The following ADCK1 variants were observed in gnomAD, a reference collection of about 807,000 sequenced individuals.
The protein encoded by ADCK1 is aarF domain-containing protein kinase 1.
ADCK1 carries 41 observed loss-of-function variants against 52.3 expected under a neutral mutation model. The ratio of observed to expected loss-of-function variants is 0.78; its 90% CI spans 0.61 to 1.02. The LOEUF (loss-of-function observed/expected upper bound fraction) is 1.02, where lower values mean the gene tolerates loss of function less well. Among genes scored for constraint, ADCK1 ranks in the 50% least tolerant of loss-of-function variants. The pLI, the probability that ADCK1 is intolerant of heterozygous loss-of-function variation, is 0.00. For missense variants in ADCK1, 658 were observed against 679.5 expected (o/e 0.97, Z 0.35); for synonymous variants, 250 against 274.6 (o/e 0.91, Z 0.89).
chr14:77,885,500 C>T (rs1037538295), intron 4 of ADCK1, among the ~76,000 whole-genome samples: 1 of 152,142 alleles, frequency 6.6e-6, no homozygotes, highest in African/African-American at 2.4e-5. Flanking sequence ...GTGAAAGCTA[C>T]AACAATGATG....
At chr14:77,902,263 T>A (rs1366791205) in intron 6 of ADCK1, 1 of 152,184 alleles carries the variant, frequency 6.6e-6, no homozygotes, top group Non-Finnish European at 1.5e-5. Context: ...TGGTGGAAGA[T>A]AGAACCCATG....
At chr14:77,802,558 C>A in intron 1 of ADCK1, among the ~76,000 whole-genome samples, 1 of 151,494 alleles carries the variant, frequency 6.6e-6, no homozygotes, top group East Asian at 2.0e-4. Flanking sequence ...TCCAGCAATT[C>A]TCTTGCTTCA....
intron 4 of ADCK1, among the ~76,000 whole-genome samples, chr14:77,870,876 T>G (rs939013696): frequency 4.6e-5 from 7 of 152,162 alleles, no homozygotes; most frequent in Non-Finnish European, 1.5e-5. Context: ...AGGTCTCCCC[T>G]GCAGGCCACT....
At chr14:77,817,757 A>G (rs2081488633) in intron 1 of ADCK1, among the ~76,000 whole-genome samples, 1 of 149,212 alleles carries the variant, frequency 6.7e-6, no homozygotes. Flanking sequence ...TTTTTTTGAG[A>G]CGGAGTCTCG....
chr14:77,844,284 T>C, intron 3 of ADCK1, among the ~76,000 whole-genome samples: 1 of 152,146 alleles, frequency 6.6e-6, no homozygotes, highest in South Asian at 2.1e-4. Context: ...GGTTTCACCA[T>C]GTTGGCCAGG....
intron 3 of ADCK1, among the ~76,000 whole-genome samples, chr14:77,823,977 C>A (rs183101216): frequency 6.6e-6 from 1 of 152,094 alleles, no homozygotes; most frequent in Non-Finnish European, 1.5e-5. Context: ...TGGTTCACTG[C>A]AACCTCCATC....
chr14:77,851,849 A>G (rs2082290474), intron 3 of ADCK1, among the ~76,000 whole-genome samples: 1 of 152,104 alleles, frequency 6.6e-6, no homozygotes, highest in Admixed American at 6.5e-5. Flanking sequence ...TTTGTCTTTT[A>G]AAGAGATATA....
chr14:77,830,693 TA>T (rs1454880507), intron 3 of ADCK1, among the ~76,000 whole-genome samples: 1 of 141,522 alleles, frequency 7.1e-6, no homozygotes, highest in Non-Finnish European at 1.6e-5. Flanking sequence ...CCTGCATGTT[TA>T]TATGTGTCTG....
chr14:77,844,552 G>C (rs1329469670), intron 3 of ADCK1, among the ~76,000 whole-genome samples: 1 of 152,210 alleles, frequency 6.6e-6, no homozygotes, highest in Non-Finnish European at 1.5e-5. Context: ...AGTGTGGGGA[G>C]CCGGCCCCGT....
intron 1 of ADCK1, 119 bp from the exon 2 acceptor site, chr14:77,818,849 G>A: frequency 2.5e-6 from 3 of 1,182,246 alleles, no homozygotes; most frequent in Non-Finnish European, 3.6e-6. Context: ...CTAAGGCTCA[G>A]TGAGATTAAT....
chr14:77,834,911 C>G (rs1299428935), intron 3 of ADCK1, among the ~76,000 whole-genome samples: 2 of 152,198 alleles, frequency 1.3e-5, no homozygotes, highest in African/African-American at 4.8e-5. Flanking sequence ...CTGGTTTCAG[C>G]CTACCCTTGC....
chr14:77,835,761 G>A (rs996970303), intron 3 of ADCK1, among the ~76,000 whole-genome samples: 3 of 152,064 alleles, frequency 2.0e-5, no homozygotes, highest in African/African-American at 7.2e-5. Context: ...TTAGCCTCCC[G>A]AATAGCTGGG....
chr14:77,833,770 C>T (rs376371776), intron 3 of ADCK1, among the ~76,000 whole-genome samples: 1 of 152,092 alleles, frequency 6.6e-6, no homozygotes, highest in East Asian at 1.9e-4. Context: ...GTGATTCTCC[C>T]TGGAGATTGG....
At chr14:77,826,507 A>G (rs2081710361) in intron 3 of ADCK1, among the ~76,000 whole-genome samples, 2 of 152,184 alleles carry the variant, frequency 1.3e-5, no homozygotes, top group Non-Finnish European at 2.9e-5. Flanking sequence ...GCCCTTTGCT[A>G]GGCAGCCAAG....
At chr14:77,898,075 C>T (rs2083450443) in intron 5 of ADCK1, among the ~76,000 whole-genome samples, 1 of 152,112 alleles carries the variant, frequency 6.6e-6, no homozygotes, top group Non-Finnish European at 1.5e-5. Context: ...CTGGGCAACA[C>T]AGTGAGACTC....
chr14:77,862,155 A>G (rs2082563491), intron 4 of ADCK1, among the ~76,000 whole-genome samples: 1 of 152,206 alleles, frequency 6.6e-6, no homozygotes, highest in Non-Finnish European at 1.5e-5. Flanking sequence ...TTTCTCAGCT[A>G]GTATTACCAG....
intron 6 of ADCK1, among the ~76,000 whole-genome samples, chr14:77,904,756 T>C (rs2083620216): frequency 6.6e-6 from 1 of 152,042 alleles, no homozygotes; most frequent in Non-Finnish European, 1.5e-5. Flanking sequence ...GGGGTCCTAA[T>C]GGTCAGGGTG....
intron 9 of ADCK1, among the ~76,000 whole-genome samples, chr14:77,928,066 A>G (rs1234029596): frequency 6.6e-6 from 1 of 152,168 alleles, no homozygotes; most frequent in African/African-American, 2.4e-5. Context: ...ACTGGTGGCA[A>G]CAGAGATGGA....
rs1416242826 is a variant in ADCK1 at position 77,925,904 on chromosome 14, G to C, written c.1149G>C (p.Ala383=). 1 of 1,614,184 alleles carries C rather than the reference G, an allele frequency of 6.2e-7. No homozygotes were observed. Among genetic ancestry groups the C allele is most frequent in the Non-Finnish European group, 8.5e-7 (1 of 1,180,050 alleles). ...LYPLFACMLT[A]RSWDSVNRGI... The stretch of plus-strand genomic sequence containing the variant: ...CCTTGTTTGCCTGCATGCTGACGGC[G>C]CGATCGTGGGACTCGGTCAACAGAG... Residue 383 remains alanine, a synonymous_variant, in exon 9 of 11, where the codon GCG becomes GCC. Coordinates refer to ENST00000238561, the MANE Select transcript of ADCK1 (RefSeq NM_020421.4).
Sources: gnomAD v4.1 joint callset for allele counts (sites outside exome capture counted in the v4.1 genomes callset) on GRCh38, gnomAD v4.1.1 for gene constraint, MANE v1.5 for transcripts, NCBI Gene and HGNC (gene_info 2026-07-23, HGNC 2026-07-21) for gene names.